Variants in CAST observed in about 807,000 individuals in gnomAD.
CAST encodes MIR583 host.
CAST carries 76 observed loss-of-function variants against 119.6 expected under a neutral mutation model. That is an observed-to-expected ratio of 0.64 (90% confidence interval 0.53 to 0.77). CAST has a LOEUF of 0.77. Among genes scored for constraint, CAST ranks in the 30% least tolerant of loss-of-function variants. The pLI, the probability that CAST is intolerant of heterozygous loss-of-function variation, is 0.00. For synonymous variants in CAST, 319 were observed against 331.6 expected, an observed-to-expected ratio of 0.96 and a Z score of 0.41; for missense variants, 953 against 946.5, an observed-to-expected ratio of 1.01 and a Z score of -0.09.
the CAST span, among the ~76,000 whole-genome samples, chr5:96,114,893 G>A: frequency 6.6e-6 from 1 of 152,150 alleles, no homozygotes; most frequent in Non-Finnish European, 1.5e-5. Context: ...AGTCAGTTTG[G>A]ATTCTTGTTT....
the CAST span, among the ~76,000 whole-genome samples, chr5:96,338,467 G>A: frequency 6.6e-6 from 1 of 152,040 alleles, no homozygotes; most frequent in African/African-American, 2.4e-5. Context: ...TACAATATAG[G>A]TAACTCACAA....
chr5:96,015,698 G>A, the CAST span, among the ~76,000 whole-genome samples: 2 of 152,096 alleles, frequency 1.3e-5, no homozygotes, highest in African/African-American at 4.8e-5. Flanking sequence ...ACATTGCTAG[G>A]CCCACTTTAC....
At chr5:96,270,518 A>G in the CAST span, among the ~76,000 whole-genome samples, 1 of 152,198 alleles carries the variant, frequency 6.6e-6, no homozygotes, top group Admixed American at 6.5e-5. Flanking sequence ...ATGGAATACT[A>G]TGCAGCCATA....
chr5:96,359,726 T>C, the CAST span, among the ~76,000 whole-genome samples: 3 of 152,200 alleles, frequency 2.0e-5, no homozygotes, highest in African/African-American at 4.8e-5. Context: ...GGGCTTCCCT[T>C]TGTGGGTAAC....
the CAST span, among the ~76,000 whole-genome samples, chr5:96,407,497 A>ACT: frequency 0.02 from 3,054 of 152,300 alleles, 104 homozygotes; most frequent in African/African-American, 0.07. Flanking sequence ...TCCTGGAGGG[A>ACT]ATATAAAATG....
At chr5:96,509,172 G>A in the CAST span, among the ~76,000 whole-genome samples, 2 of 152,068 alleles carry the variant, frequency 1.3e-5, no homozygotes, top group African/African-American at 2.4e-5. Context: ...GTCACACATC[G>A]TGCAAAAGAG....
the CAST span, among the ~76,000 whole-genome samples, chr5:96,386,347 C>T: frequency 6.6e-6 from 1 of 152,286 alleles, no homozygotes; most frequent in East Asian, 1.9e-4. Flanking sequence ...CCTTTTGAGC[C>T]TCAACTGTCA....
At chr5:95,978,271 T>C in the CAST span, among the ~76,000 whole-genome samples, 1 of 152,238 alleles carries the variant, frequency 6.6e-6, no homozygotes, top group East Asian at 1.9e-4. Context: ...ACCAACAGTG[T>C]ATATGTGTTC....
chr5:96,384,294 T>C, the CAST span, among the ~76,000 whole-genome samples: 1 of 152,220 alleles, frequency 6.6e-6, no homozygotes, highest in African/African-American at 2.4e-5. Context: ...ACAATTCTCA[T>C]CAGCAAGCTG....
intron 1 of CAST, among the ~76,000 whole-genome samples, chr5:96,554,789 G>C (rs1273119378): frequency 6.6e-6 from 1 of 152,104 alleles, no homozygotes; most frequent in Non-Finnish European, 1.5e-5. Context: ...GCAGCCAACA[G>C]ACATAAGAAA....
chr5:96,122,847 G>A, the CAST span, among the ~76,000 whole-genome samples: 1 of 151,934 alleles, frequency 6.6e-6, no homozygotes, highest in Non-Finnish European at 1.5e-5. Context: ...TCTGCTTTAT[G>A]AGGTCAAATA....
the CAST span, among the ~76,000 whole-genome samples, chr5:96,273,354 C>T: frequency 6.6e-6 from 1 of 152,152 alleles, no homozygotes; most frequent in East Asian, 1.9e-4. Flanking sequence ...TGAGACTGTG[C>T]AAAACCACAG....
the CAST span, among the ~76,000 whole-genome samples, chr5:96,356,156 T>C: frequency 6.6e-6 from 1 of 152,386 alleles, no homozygotes; most frequent in South Asian, 2.1e-4. Flanking sequence ...TGTCTGTTCA[T>C]ATCCTTTGTC....
At chr5:96,417,759 C>G in the CAST span, among the ~76,000 whole-genome samples, 1 of 152,214 alleles carries the variant, frequency 6.6e-6, no homozygotes, top group Non-Finnish European at 1.5e-5. Flanking sequence ...TCATTTGCAA[C>G]TGAAGCTGTC....
At chr5:96,304,362 T>G in the CAST span, among the ~76,000 whole-genome samples, 1 of 152,256 alleles carries the variant, frequency 6.6e-6, no homozygotes, top group East Asian at 1.9e-4. Flanking sequence ...CTTTGTCAGA[T>G]GGACAGATTA....
chr5:95,978,493 G>A, the CAST span, among the ~76,000 whole-genome samples: 3 of 151,842 alleles, frequency 2.0e-5, 1 homozygote, highest in African/African-American at 4.8e-5. Flanking sequence ...TTTTTATGTG[G>A]TTGTTTTTTT....
intron 1 of CAST, among the ~76,000 whole-genome samples, chr5:96,655,873 C>CA (rs1278028071): frequency 2.0e-5 from 3 of 152,034 alleles, no homozygotes; most frequent in Non-Finnish European, 2.9e-5. Flanking sequence ...ATTAAAACAA[C>CA]AAAAAAAATC....
the CAST span, among the ~76,000 whole-genome samples, chr5:96,322,981 T>C: frequency 2.0e-5 from 3 of 152,192 alleles, no homozygotes. Flanking sequence ...CATGTTGCTT[T>C]TGTTTTGTTC....
the CAST span, among the ~76,000 whole-genome samples, chr5:96,021,157 T>C: frequency 6.6e-6 from 1 of 152,086 alleles, no homozygotes; most frequent in Non-Finnish European, 1.5e-5. Flanking sequence ...AGGGAAGCAA[T>C]GTGATATTGT....
Sources: allele counts gnomAD v4.1 joint callset (sites outside exome capture counted in the v4.1 genomes callset), GRCh38; gene constraint gnomAD v4.1.1; transcripts MANE v1.5; gene names NCBI Gene and HGNC (gene_info 2026-07-23, HGNC 2026-07-21).